The following BACE1 variants were observed in gnomAD, a reference collection of about 807,000 sequenced individuals.
BACE1 encodes APP beta-secretase.
Under a neutral mutation model 54.0 loss-of-function variants are expected in BACE1, and 21 were observed. The observed-to-expected ratio is 0.39, with a 90% CI of 0.28 to 0.56. The LOEUF is 0.56. BACE1 is among the 20% of genes least tolerant of loss of function. The pLI, the probability that BACE1 is intolerant of heterozygous loss-of-function variation, is 0.63. For missense variants in BACE1, 511 were observed against 661.2 expected (o/e 0.77, Z 2.49); for synonymous variants, 232 against 260.9 (o/e 0.89, Z 1.07).
In BACE1 at chr11:117,304,578, G is replaced by A. The variant is rs75932613; in HGVS notation, c.262-7617C>T. ...CACCAGGCTTCTTGTGAAGTTTCCC[G>A]AAAGCACGATGATCTCTCACTTGTG... On this transcript the variant is annotated intron_variant, in intron 1 of 8. Coordinates refer to ENST00000313005, the MANE Select transcript of BACE1 (RefSeq NM_012104.6). Among the ~76,000 whole-genome samples the A allele has an allele frequency of 6.3e-3, 965 of 152,262 alleles. 12 individuals carry two copies. The highest frequency in any genetic ancestry group is 9.2e-3 in the Non-Finnish European group (626 of 68,026).
chr11:117,300,347 G>A (rs536220327), intron 1 of BACE1, among the ~76,000 whole-genome samples: 44 of 152,318 alleles, frequency 2.9e-4, no homozygotes, highest in African/African-American at 5.8e-4. Flanking sequence ...TGCCCTCTGC[G>A]GTGTGCTCCC....
chr11:117,307,704 G>C lies in BACE1; in HGVS notation c.261+7831C>G, dbSNP rs2034860954. On this transcript the variant is annotated intron_variant, in intron 1 of 8. Transcript: ENST00000313005. Reference sequence around the variant, plus strand: ...GACCTTCCACCTTAGTGCTTTTAGAGAGAGCACAGTCTTTCTCAATGCCCC... The same window carrying C: ...GACCTTCCACCTTAGTGCTTTTAGACAGAGCACAGTCTTTCTCAATGCCCC... Among the ~76,000 whole-genome samples, 3 of 152,142 alleles carry C rather than the reference G, an allele frequency of 2.0e-5. No homozygotes were observed. In the South Asian group the frequency reaches 6.2e-4, roughly 32 times the overall value.
At chr11:117,298,807 A>G (rs1290193211) in intron 1 of BACE1, among the ~76,000 whole-genome samples, 2 of 152,108 alleles carry the variant, frequency 1.3e-5, no homozygotes, top group East Asian at 1.9e-4. Flanking sequence ...TCTTTCTAGC[A>G]TCACTTCTTT....
intron 1 of BACE1, among the ~76,000 whole-genome samples, chr11:117,314,044 G>C (rs938633671): frequency 6.6e-6 from 1 of 152,198 alleles, no homozygotes; most frequent in Non-Finnish European, 1.5e-5. Flanking sequence ...GGTAGAGCTG[G>C]GATTCGTGGA....
rs1591856245 is a variant in BACE1, at chr11:117,293,265, T to A, written c.706-77A>T. On this transcript the variant is annotated intron_variant, in intron 4 of 8. Coordinates refer to ENST00000313005, the MANE Select transcript of BACE1 (RefSeq NM_012104.6). This position sits in a 1 kb window ranked among gnomAD's most constrained non-coding sequence, Gnocchi z 4.1. ...GTCCCCCAAGGACCAAGCAATAAGATCAGTGATTTCTTGGGGTGGCAAGGT... is the reference window on the plus strand; with the variant it reads ...GTCCCCCAAGGACCAAGCAATAAGAACAGTGATTTCTTGGGGTGGCAAGGT... 1 of 1,510,964 alleles carries A rather than the reference T, an allele frequency of 6.6e-7. No homozygotes were observed. Among genetic ancestry groups the A allele is most frequent in the East Asian group, 2.4e-5 (1 of 42,382 alleles). The allele number at this position is 1,510,964 out of a possible 1,614,324, so 93.6% of individuals were successfully genotyped here.
Position 117,289,709 on chromosome 11 carries a change from G to C in BACE1, c.1363C>G (p.Leu455Val). 1.2e-6 allele frequency: 2 copies of C among 1,614,228 alleles called. No individual in the cohort carries two copies. The highest frequency in any genetic ancestry group is 1.7e-6 in the Non-Finnish European group (2 of 1,180,044). Residue 455 changes from leucine (L) to valine (V), a missense_variant, in exon 9 of 9, where the codon CTC (leucine) becomes GTC (valine). By Grantham distance (32) the Leu-to-Val change is conservative. Around this residue, in one of 2 missense-constraint regions of BACE1, gnomAD observed 407 missense variants for 565.7 expected, o/e 0.72. Coordinates refer to ENST00000313005, the MANE Select transcript of BACE1 (RefSeq NM_012104.6). ...YNIPQTDESTLMTIAYVMAAI... is the reference protein window; with the variant it reads ...YNIPQTDESTVMTIAYVMAAI... ...GCCATGACATAGGCTATGGTCATGA[G>C]GGTTGACTCATCTGTCTGTGGAATG...
intron 1 of BACE1, among the ~76,000 whole-genome samples, chr11:117,307,114 C>G (rs908535541): frequency 6.6e-6 from 1 of 152,118 alleles, no homozygotes; most frequent in African/African-American, 2.4e-5. Context: ...CTATAGTACC[C>G]AAGGCTGCGG....
chr11:117,315,993 C>A lies in BACE1; in HGVS notation c.-198G>T, dbSNP rs1455687837. The A allele has an allele frequency of 1.3e-5, 6 of 469,436 alleles. No individual in the cohort carries two copies. The highest frequency in any genetic ancestry group is 1.7e-5 in the Non-Finnish European group (5 of 285,866). 29.1% of individuals were successfully genotyped at this position (469,436 alleles called of 1,614,324 possible). A position where few individuals can be genotyped will look rare whatever the true frequency, so the allele number is the denominator to read the frequency against. ...GCGGTCAGGGGAGATCCGCAGAGCA[C>A]GGGAGCAGGGGAGAGGCTGGGATCC... On this transcript the variant is annotated 5_prime_UTR_variant, in exon 1 of 9. Transcript: ENST00000313005. The surrounding 1 kb of genome is among the most constrained non-coding windows in gnomAD (Gnocchi z 5.5).
intron 1 of BACE1, among the ~76,000 whole-genome samples, chr11:117,302,433 C>G (rs1048598111): frequency 6.6e-6 from 1 of 152,212 alleles, no homozygotes; most frequent in African/African-American, 2.4e-5. Flanking sequence ...CCCACACCAG[C>G]CATGGTCCCT....
intron 1 of BACE1, among the ~76,000 whole-genome samples, chr11:117,310,240 C>T (rs1237756027): frequency 6.6e-6 from 1 of 151,882 alleles, no homozygotes. Flanking sequence ...AATACTTTCT[C>T]TAAGAGCTAC....
rs926812638 is a variant in BACE1, at chr11:117,288,281, G to T, written c.*1285C>A. The T allele has an allele frequency of 3.3e-5, 5 of 152,292 alleles. No homozygotes were observed. Among genetic ancestry groups the T allele is most frequent in the African/African-American group, 4.8e-5 (2 of 41,442 alleles). The allele number at this position is 152,292 out of a possible 1,614,324, so 9.4% of individuals were successfully genotyped here. A position where few individuals can be genotyped will look rare whatever the true frequency, so the allele number is the denominator to read the frequency against. On this transcript the variant is annotated 3_prime_UTR_variant, in exon 9 of 9. Coordinates refer to ENST00000313005, the MANE Select transcript of BACE1 (RefSeq NM_012104.6). Reference sequence around the variant, plus strand: ...AAGCACTGTATTTCTCATACTCTTGGTATAATGCTAGTGCCACTGTGTGAT... The same window carrying T: ...AAGCACTGTATTTCTCATACTCTTGTTATAATGCTAGTGCCACTGTGTGAT...
Position 117,315,900 on chromosome 11 carries a change from G to T in BACE1, c.-105C>A. 1.6e-6 allele frequency: 2 copies of T among 1,289,392 alleles called. No individual in the cohort carries two copies. The highest frequency in any genetic ancestry group is 1.0e-6 in the Non-Finnish European group (1 of 1,001,532). The allele number at this position is 1,289,392 out of a possible 1,614,324, so 79.9% of individuals were successfully genotyped here. A position where few individuals can be genotyped will look rare whatever the true frequency, so the allele number is the denominator to read the frequency against. Reference sequence around the variant, plus strand: ...TGCTGGTGGCTTCTCAGGAGAGGGAGCTTGGGGGCATCAGGACGCCAGGGC... The same window carrying T: ...TGCTGGTGGCTTCTCAGGAGAGGGATCTTGGGGGCATCAGGACGCCAGGGC... On this transcript the variant is annotated 5_prime_UTR_variant, in exon 1 of 9. Transcript: ENST00000313005. This position sits in a 1 kb window ranked among gnomAD's most constrained non-coding sequence, Gnocchi z 5.5.
In BACE1 at chr11:117,316,234, G is replaced by T; in HGVS notation, c.-439C>A. The T allele has an allele frequency of 2.3e-6, 1 of 440,140 alleles. No individual in the cohort carries two copies. Among genetic ancestry groups the T allele is most frequent in the Non-Finnish European group, 4.1e-6 (1 of 246,560 alleles). The allele number at this position is 440,140 out of a possible 1,614,324, so 27.3% of individuals were successfully genotyped here. A position where few individuals can be genotyped will look rare whatever the true frequency, so the allele number is the denominator to read the frequency against. On this transcript the variant is annotated 5_prime_UTR_variant, in exon 1 of 9. Transcript: ENST00000313005. Reference sequence around the variant, plus strand: ...CTCGCGGCTCGCAGCTCCCGGGCGGGCTGGGGAGGCGGAAAGACTTGTGGC... The same window carrying T: ...CTCGCGGCTCGCAGCTCCCGGGCGGTCTGGGGAGGCGGAAAGACTTGTGGC...
At position 117,287,802 on chromosome 11, in the gene BACE1, T is replaced by TA. The variant is rs898139357; in HGVS notation, c.*1763dup. 6.5e-6 allele frequency: 1 copy of TA among 152,674 alleles called. No homozygotes were observed. Among genetic ancestry groups the TA allele is most frequent in the African/African-American group, 2.4e-5 (1 of 41,468 alleles). 9.5% of individuals were successfully genotyped at this position (152,674 alleles called of 1,614,324 possible). ...GCAGTGGGAATGAAGAGAACCCAGA[T>TA]AAAAAACTGACTCAGTATTCTTGTT... On this transcript the variant is annotated 3_prime_UTR_variant, in exon 9 of 9. Coordinates refer to ENST00000313005, the MANE Select transcript of BACE1 (RefSeq NM_012104.6).
chr11:117,312,509 C>T (rs185646994), intron 1 of BACE1, among the ~76,000 whole-genome samples: 1 of 152,256 alleles, frequency 6.6e-6, no homozygotes, highest in Non-Finnish European at 1.5e-5. Context: ...GTCACCCAGG[C>T]TGGAGTGCAA....
At chr11:117,292,924 G>T in intron 5 of BACE1, 130 bp downstream of exon 5, 1 of 1,147,798 alleles carries the variant, frequency 8.7e-7, no homozygotes. Flanking sequence ...ACTGTTCTAG[G>T]CTCAACTTCC....
In BACE1 at chr11:117,291,808, G is replaced by A. The variant is rs1765608573; in HGVS notation, c.846C>T (p.Asn282=). The change falls in exon 6 of 9, where the codon AAC becomes AAT. Residue 282 remains asparagine (N), a synonymous_variant. Transcript: ENST00000313005. ...CACTGTCCACAATGCTCTTGTCATA[G>A]TTGTACTAAGAGGGAAAAGAGAGAG... ...QDLKMDCKEY[N]YDKSIVDSGT... is the part of the protein sequence containing the mutation. The A allele has an allele frequency of 1.2e-6, 2 of 1,608,526 alleles. No individual in the cohort carries two copies. Among genetic ancestry groups the A allele is most frequent in the Non-Finnish European group, 1.7e-6 (2 of 1,175,204 alleles).
intron 1 of BACE1, 93 bp from the exon 2 acceptor site, chr11:117,297,054 C>T: frequency 1.1e-6 from 1 of 930,258 alleles, no homozygotes. Flanking sequence ...ACAGTCTGCC[C>T]CTTAGAATGT....
intron 2 of BACE1, chr11:117,295,561 TC>T: frequency 6.5e-7 from 1 of 1,535,648 alleles, no homozygotes; most frequent in Non-Finnish European, 8.7e-7. Flanking sequence ...TGAGGCTTGC[TC>T]TCCTATCTAT....
Sources: gnomAD v4.1 joint callset for allele counts (sites outside exome capture counted in the v4.1 genomes callset) on GRCh38, gnomAD v4.1.1 for gene constraint, gnomAD v4.1.1 regional missense constraint, Gnocchi (gnomAD v3.1) non-coding constraint, MANE v1.5 for transcripts, NCBI Gene and HGNC (gene_info 2026-07-23, HGNC 2026-07-21) for gene names.